Variants in BRAF observed in about 807,000 individuals in gnomAD.
The protein encoded by BRAF is B-Raf proto-oncogene, serine/threonine kinase.
Under a neutral mutation model 104.6 loss-of-function variants are expected in BRAF, and 16 were observed. The ratio of observed to expected loss-of-function variants is 0.15; its 90% confidence interval spans 0.10 to 0.23. The LOEUF is 0.23. BRAF is among the 10% of genes least tolerant of loss of function. The pLI is 1.00. For missense variants in BRAF, 541 were observed against 937.3 expected (o/e 0.58, Z 5.52); for synonymous variants, 310 against 341.6 (o/e 0.91, Z 1.02).
intron 3 of BRAF, among the ~76,000 whole-genome samples, chr7:140,815,226 C>T (rs1461602740): frequency 6.6e-6 from 1 of 151,804 alleles, no homozygotes. Flanking sequence ...CAAGCTCCAC[C>T]TCCCGGGCTC....
At chr7:140,745,521 T>C (rs907094688) in intron 17 of BRAF, among the ~76,000 whole-genome samples, 11 of 152,324 alleles carry the variant, frequency 7.2e-5, no homozygotes, top group Admixed American at 2.6e-4. Flanking sequence ...AGAAGATTCA[T>C]GTGGCACATA....
At chr7:140,731,457 A>G (rs1795955404) in intron 19 of BRAF, 1 of 152,252 alleles carries the variant, frequency 6.6e-6, no homozygotes, top group African/African-American at 2.4e-5. Context: ...TTTCAATCAA[A>G]TAAGACTATA....
intron 1 of BRAF, among the ~76,000 whole-genome samples, chr7:140,852,155 GC>G (rs1444644070): frequency 1.3e-5 from 2 of 152,008 alleles, no homozygotes; most frequent in Non-Finnish European, 2.9e-5. Context: ...GATTGCTTGA[GC>G]CCAGGAGTTC....
At chr7:140,857,617 T>C (rs181309190) in intron 1 of BRAF, among the ~76,000 whole-genome samples, 2 of 152,260 alleles carry the variant, frequency 1.3e-5, no homozygotes, top group East Asian at 3.9e-4. Flanking sequence ...ATAAGCATTA[T>C]TAGATTACAC....
intron 3 of BRAF, among the ~76,000 whole-genome samples, chr7:140,829,149 C>T (rs1185782446): frequency 6.7e-6 from 1 of 148,878 alleles, no homozygotes; most frequent in Non-Finnish European, 1.5e-5. Context: ...GGCACCAATG[C>T]TGTTTCCAAA....
chr7:140,918,498 G>A (rs968034165), intron 1 of BRAF, among the ~76,000 whole-genome samples: 33 of 152,284 alleles, frequency 2.2e-4, no homozygotes, highest in African/African-American at 7.9e-4. Context: ...GTCACGGACT[G>A]GTAGATACGA....
At position 140,719,361 on chromosome 7, in the gene BRAF, G is replaced by A; in HGVS notation, c.*7133C>T. 1 of 997,566 alleles carries A rather than the reference G, an allele frequency of 1.0e-6. No homozygotes were observed. The highest frequency in any genetic ancestry group is 1.2e-6 in the Non-Finnish European group (1 of 829,658). The allele number at this position is 997,566 out of a possible 1,614,324, so 61.8% of individuals were successfully genotyped here. A position where few individuals can be genotyped will look rare whatever the true frequency, so the allele number is the denominator to read the frequency against. Reference sequence around the variant, plus strand: ...CTCCATGCAGTCAATCTTTATTATAGCAGTATTCGCATATTCACATCAAGT... The same window carrying A: ...CTCCATGCAGTCAATCTTTATTATAACAGTATTCGCATATTCACATCAAGT... On this transcript the variant is annotated 3_prime_UTR_variant, in exon 20 of 20. Transcript: ENST00000644969.
At chr7:140,718,063 C>T (rs117002303), downstream of BRAF, among the ~76,000 whole-genome samples, 2,904 of 152,194 alleles carry the variant, frequency 0.019, 33 homozygotes, top group Middle Eastern at 0.054. Context: ...CTTTTCTGTT[C>T]CTTCATATTA....
At position 140,722,666 on chromosome 7, in the gene BRAF, C is replaced by T. The variant is rs1010918179; in HGVS notation, c.*3828G>A. ...GAATCTTGCAAAAAGAGTAATCATT[C>T]TACCCTCTTAGCTGGGTGGTCTTTC... On this transcript the variant is annotated 3_prime_UTR_variant, in exon 20 of 20. Coordinates refer to ENST00000644969, the MANE Select transcript of BRAF (RefSeq NM_001374258.1). 2.9e-6 allele frequency: 3 copies of T among 1,052,596 alleles called. No individual in the cohort carries two copies. Among genetic ancestry groups the T allele is most frequent in the Admixed American group, 1.1e-4 (2 of 18,320 alleles). The allele number at this position is 1,052,596 out of a possible 1,614,324, so 65.2% of individuals were successfully genotyped here. A position where few individuals can be genotyped will look rare whatever the true frequency, so the allele number is the denominator to read the frequency against.
chr7:140,765,460 A>G (rs1799213172), intron 14 of BRAF, among the ~76,000 whole-genome samples: 2 of 152,344 alleles, frequency 1.3e-5, no homozygotes, highest in Admixed American at 1.3e-4. Flanking sequence ...GGATCTAACT[A>G]AACTAAAGAG....
At chr7:140,764,173 A>G (rs1334375729) in intron 14 of BRAF, among the ~76,000 whole-genome samples, 6 of 152,060 alleles carry the variant, frequency 3.9e-5, no homozygotes, top group African/African-American at 1.4e-4. Flanking sequence ...AATCCAGCAT[A>G]TAAACAGAAC....
intron 16 of BRAF, among the ~76,000 whole-genome samples, chr7:140,749,705 T>C (rs1490885868): frequency 3.9e-5 from 6 of 152,238 alleles, no homozygotes; most frequent in African/African-American, 1.4e-4. Flanking sequence ...CATTGCCAGA[T>C]GAATTCTTCC....
At chr7:140,767,758 G>C (rs1390411627) in intron 14 of BRAF, among the ~76,000 whole-genome samples, 1 of 152,192 alleles carries the variant, frequency 6.6e-6, no homozygotes, top group Non-Finnish European at 1.5e-5. Flanking sequence ...TGGAGCTGAA[G>C]TACCTGGGGC....
In BRAF at chr7:140,719,382, CA is replaced by C; in HGVS notation, c.*7111del. On this transcript the variant is annotated 3_prime_UTR_variant, in exon 20 of 20. Coordinates refer to ENST00000644969, the MANE Select transcript of BRAF (RefSeq NM_001374258.1). ...TATAGCAGTATTCGCATATTCACAT[CA>C]AGTACATAGAACTTTTTTTGCCTTT... The C allele has an allele frequency of 9.9e-7, 1 of 1,006,454 alleles. No homozygotes were observed. The highest frequency in any genetic ancestry group is 1.2e-6 in the Non-Finnish European group (1 of 836,532). The allele number at this position is 1,006,454 out of a possible 1,614,324, so 62.3% of individuals were successfully genotyped here.
chr7:140,853,178 A>C (rs1381116138), intron 1 of BRAF, among the ~76,000 whole-genome samples: 2 of 151,384 alleles, frequency 1.3e-5, no homozygotes, highest in Non-Finnish European at 2.9e-5. Context: ...GGAGGCTGAG[A>C]CGGGAGGATC....
At chr7:140,821,215 C>T (rs954414492) in intron 3 of BRAF, among the ~76,000 whole-genome samples, 7 of 151,834 alleles carry the variant, frequency 4.6e-5, no homozygotes, top group African/African-American at 1.5e-4. Flanking sequence ...AACTCCTGGG[C>T]TCAAGCAATC....
At chr7:140,820,067 G>T (rs766082885) in intron 3 of BRAF, among the ~76,000 whole-genome samples, 16 of 151,904 alleles carry the variant, frequency 1.1e-4, no homozygotes, top group Non-Finnish European at 1.9e-4. Flanking sequence ...CATCTTTTGG[G>T]GTAATCAGGT....
chr7:140,740,972 A>C (rs1182379513), intron 17 of BRAF: 1 of 152,234 alleles, frequency 6.6e-6, no homozygotes, highest in Non-Finnish European at 1.5e-5. Flanking sequence ...TTTTAATGGA[A>C]GACAGCAGTC....
In BRAF at chr7:140,918,403, G is replaced by A. The variant is rs200213023; in HGVS notation, c.138+6163C>T. Among the ~76,000 whole-genome samples, 5 of 152,088 alleles carry A rather than the reference G, an allele frequency of 3.3e-5. No individual in the cohort carries two copies. The East Asian group carries it at 7.7e-4, about 23-fold the overall frequency. On this transcript the variant is annotated intron_variant, in intron 1 of 19. Coordinates refer to ENST00000644969, the MANE Select transcript of BRAF (RefSeq NM_001374258.1). ...TTCTGATAGGGTTCACGCTCCTGCC[G>A]CTGATCTGACAGGAGGTGGAGCTTT...
Sources: gnomAD v4.1 joint callset for allele counts (sites outside exome capture counted in the v4.1 genomes callset) on GRCh38, gnomAD v4.1.1 for gene constraint, MANE v1.5 for transcripts, NCBI Gene and HGNC (gene_info 2026-07-23, HGNC 2026-07-21) for gene names.